Variants in FLYWCH1 observed in about 807,000 individuals in gnomAD.
FLYWCH1 encodes the protein FLYWCH-type zinc finger-containing protein 1.
A neutral mutation model predicts 66.4 loss-of-function variants in FLYWCH1; 75 were observed. The ratio of observed to expected loss-of-function variants is 1.13; its 90% CI spans 0.94 to 1.37. FLYWCH1 has a LOEUF of 1.37. FLYWCH1 is among the 40% of genes most tolerant of loss of function. FLYWCH1 has a pLI of 0.00. For missense variants in FLYWCH1, 1,334 were observed against 1,001.8 expected (o/e 1.33, Z -4.48); for synonymous variants, 595 against 429.9 (o/e 1.38, Z -4.75).
At position 2,938,372 on chromosome 16, in the gene FLYWCH1, C is replaced by T. The variant is rs778411888; in HGVS notation, c.1966C>T (p.His656Tyr). 6.9e-6 allele frequency: 11 copies of T among 1,584,378 alleles called. No homozygotes were observed. The highest frequency in any genetic ancestry group is 9.5e-6 in the Non-Finnish European group (11 of 1,163,870). The change falls in exon 8 of 10, where the codon CAC becomes TAC. Residue 656 changes from histidine (H) to tyrosine (Y), a missense_variant. His to Tyr is a moderately conservative substitution (Grantham distance 83). Transcript: ENST00000253928. ...CCACCGCATCATGGTCATGCGCAGC[C>T]ACTGCCATCAGCCTGACCTGGCAGG... is the stretch of plus-strand genomic sequence containing the variant. The part of the protein sequence containing the change: ...QGHRIMVMRS[H>Y]CHQPDLAGLE...
intron 9 of FLYWCH1, among the ~76,000 whole-genome samples, chr16:2,945,825 A>G (rs572752360): frequency 0.011 from 1,669 of 151,862 alleles, 16 homozygotes; most frequent in Non-Finnish European, 0.018. Flanking sequence ...GTGAAATCCC[A>G]TCTCTACTAA....
chr16:2,924,734 C>CGG (rs2070496092), intron 2 of FLYWCH1, among the ~76,000 whole-genome samples: 2 of 152,196 alleles, frequency 1.3e-5, no homozygotes, highest in Admixed American at 1.3e-4. Flanking sequence ...TGGACTTTAA[C>CGG]GGGCGGAGTG....
chr16:2,946,805 CCACTT>C (rs2071505201), intron 9 of FLYWCH1, among the ~76,000 whole-genome samples: 1 of 152,174 alleles, frequency 6.6e-6, no homozygotes, highest in African/African-American at 2.4e-5. Context: ...CTGTGACAGA[CCACTT>C]CACACCCACT....
In FLYWCH1 at chr16:2,938,425, G is replaced by A; in HGVS notation, c.2019G>A (p.Arg673=). The change falls in exon 8 of 10, where the codon CGG becomes CGA. Residue 673 remains arginine, a synonymous_variant. Transcript: ENST00000253928. The part of the protein sequence containing the change: ...AGLEALRQRE[R]LPTTAQQEDP... ...TGGAGGCCTTGAGGCAACGGGAGCG[G>A]CTCCCCACCACGGCCCAGCAGGAGG... The A allele has an allele frequency of 3.9e-6, 6 of 1,534,104 alleles. No homozygotes were observed. Among genetic ancestry groups the A allele is most frequent in the Non-Finnish European group, 5.3e-6 (6 of 1,140,910 alleles).
chr16:2,912,406 C>T (rs1014095140), intron 1 of FLYWCH1, among the ~76,000 whole-genome samples: 6 of 151,000 alleles, frequency 4.0e-5, no homozygotes, highest in Non-Finnish European at 7.4e-5. Context: ...CCGCCGTTTC[C>T]TGGCGGTGTC....
rs142204705 is a variant in FLYWCH1 at position 2,937,752 on chromosome 16, TTC to T, written c.1777+374_1777+375del. Among the ~76,000 whole-genome samples, 1,446 of 152,170 alleles carry T rather than the reference TTC, an allele frequency of 9.5e-3. 21 individuals carry two copies. The highest frequency in any genetic ancestry group is 0.034 in the African/African-American group (1,393 of 41,494). Reference sequence around the variant, plus strand: ...CCACACTGCTTCTAGTCTCACGGGGTTCTCTCTGGCCACCCCAACATCATGTG... The same window carrying T: ...CCACACTGCTTCTAGTCTCACGGGGTTCTCTGGCCACCCCAACATCATGTG... On this transcript the variant is annotated intron_variant, in intron 7 of 9. Transcript: ENST00000253928.
intron 6 of FLYWCH1, chr16:2,934,792 A>T (rs1049757062): frequency 6.6e-5 from 24 of 365,786 alleles, no homozygotes; most frequent in Non-Finnish European, 1.1e-4. Context: ...CCCGCTCCTG[A>T]CCCCACAAGT....
At chr16:2,935,585 C>G (rs993175447) in intron 6 of FLYWCH1, 7 of 152,166 alleles carry the variant, frequency 4.6e-5, no homozygotes, top group African/African-American at 1.7e-4. Context: ...GGAGGTAGCA[C>G]GTTGAGGCCT....
intron 9 of FLYWCH1, 117 bp from the exon 10 acceptor site, chr16:2,948,571 A>C: frequency 9.4e-7 from 1 of 1,060,018 alleles, no homozygotes; most frequent in Non-Finnish European, 1.4e-6. Flanking sequence ...TCAAAAATAA[A>C]TGTTCTAGAC....
At chr16:2,923,764 G>T (rs548711838) in intron 2 of FLYWCH1, among the ~76,000 whole-genome samples, 3 of 152,020 alleles carry the variant, frequency 2.0e-5, no homozygotes, top group African/African-American at 7.2e-5. Context: ...TCGGCCCGGC[G>T]TAGTGGCTCA....
intron 9 of FLYWCH1, among the ~76,000 whole-genome samples, chr16:2,947,954 T>C (rs1393233323): frequency 1.3e-5 from 2 of 151,854 alleles, no homozygotes; most frequent in Non-Finnish European, 2.9e-5. Context: ...GGTGGGAGGA[T>C]CACTGGAGCC....
In FLYWCH1 at chr16:2,949,049, G is replaced by C. The variant is rs146684939; in HGVS notation, c.*322G>C. 0.013 allele frequency: 5,193 copies of C among 403,510 alleles called. 61 individuals carry two copies. Among genetic ancestry groups the C allele is most frequent in the Non-Finnish European group, 0.018 (3,903 of 215,210 alleles). The allele number at this position is 403,510 out of a possible 1,614,324, so 25.0% of individuals were successfully genotyped here. A position where few individuals can be genotyped will look rare whatever the true frequency, so the allele number is the denominator to read the frequency against. On this transcript the variant is annotated 3_prime_UTR_variant, in exon 10 of 10. Transcript: ENST00000253928. The stretch of plus-strand genomic sequence containing the variant: ...CCTGCTGTACGGCCACAGCACCCCT[G>C]GGTTTGCAGAGCACGCAGCCTTCCT...
At chr16:2,928,463 A>G (rs915459679) in intron 2 of FLYWCH1, among the ~76,000 whole-genome samples, 2 of 152,184 alleles carry the variant, frequency 1.3e-5, no homozygotes, top group Admixed American at 1.3e-4. Flanking sequence ...TGGTTAATGG[A>G]GAATGGCAGT....
Position 2,937,224 on chromosome 16 carries a change from C to T in FLYWCH1, c.1617C>T (p.Thr539=), listed in dbSNP as rs751146329. 63 of 1,605,012 alleles carry T rather than the reference C, an allele frequency of 3.9e-5. No homozygotes were observed. The highest frequency in any genetic ancestry group is 5.3e-5 in the Non-Finnish European group (62 of 1,177,156). Residue 539 remains threonine (T), a synonymous_variant, in exon 7 of 10, where the codon ACC becomes ACT. Coordinates refer to ENST00000253928, the MANE Select transcript of FLYWCH1 (RefSeq NM_001308068.2). The part of the protein sequence containing the change: ...EKAAGEKVYW[T]CRDQARMGCR... Reference sequence around the variant, plus strand: ...CGGCCGGGGAGAAGGTGTATTGGACCTGCCGGGACCAGGCCCGCATGGGCT... The same window carrying T: ...CGGCCGGGGAGAAGGTGTATTGGACTTGCCGGGACCAGGCCCGCATGGGCT...
intron 8 of FLYWCH1, among the ~76,000 whole-genome samples, chr16:2,938,820 G>T (rs919187033): frequency 6.6e-6 from 1 of 151,470 alleles, no homozygotes; most frequent in African/African-American, 2.4e-5. Flanking sequence ...CACCATGTTA[G>T]CCAGGATGGT....
intron 8 of FLYWCH1, among the ~76,000 whole-genome samples, chr16:2,939,198 C>T (rs769614735): frequency 5.2e-4 from 79 of 152,198 alleles, no homozygotes; most frequent in Non-Finnish European, 9.0e-4. Context: ...GTAATCCCAG[C>T]ACTTTGGGAG....
chr16:2,937,683 C>A (rs1049997729), intron 7 of FLYWCH1, among the ~76,000 whole-genome samples: 13 of 152,140 alleles, frequency 8.5e-5, no homozygotes, highest in African/African-American at 3.1e-4. Context: ...TGCTGACGGG[C>A]CGTACGGTGG....
At position 2,949,843 on chromosome 16, in the gene FLYWCH1, T is replaced by G. The variant is rs1393906921; in HGVS notation, c.*1116T>G. ...TGGAGCTGGTACTTGTTCACATCCC[T>G]CTTGCAGCAACAGTTGGCCGCCGTG... On this transcript the variant is annotated 3_prime_UTR_variant, in exon 10 of 10. Coordinates refer to ENST00000253928, the MANE Select transcript of FLYWCH1 (RefSeq NM_001308068.2). 3.3e-5 allele frequency: 5 copies of G among 152,014 alleles called. No individual in the cohort carries two copies. In the East Asian group the frequency reaches 9.7e-4, roughly 29 times the overall value. The allele number at this position is 152,014 out of a possible 1,614,324, so 9.4% of individuals were successfully genotyped here.
At chr16:2,933,620 T>C (rs1011404540) in intron 5 of FLYWCH1, 38 bp downstream of exon 5, 2 of 1,565,138 alleles carry the variant, frequency 1.3e-6, no homozygotes, top group Non-Finnish European at 1.7e-6. Flanking sequence ...GGCCCTGCCT[T>C]GACTCTTGCC....
Sources: gnomAD v4.1 joint callset for allele counts (sites outside exome capture counted in the v4.1 genomes callset) on GRCh38, gnomAD v4.1.1 for gene constraint, MANE v1.5 for transcripts, NCBI Gene and HGNC (gene_info 2026-07-23, HGNC 2026-07-21) for gene names.